NCAM1: variants seen among roughly 807,000 people sequenced by gnomAD.
NCAM1 encodes antigen recognized by monoclonal antibody 5.1H11.
In NCAM1, 14 loss-of-function variants were observed where a neutral mutation model predicts 109.8. The observed-to-expected ratio is 0.13, with a 90% CI of 0.08 to 0.20. NCAM1 has a LOEUF of 0.20. NCAM1 is among the 10% of genes least tolerant of loss of function. The pLI is 1.00. For synonymous variants in NCAM1, 418 were observed against 442.9 expected (o/e 0.94, Z 0.70); for missense variants, 774 against 1,109.9 (o/e 0.70, Z 4.30).
Position 113,204,471 on chromosome 11 carries a change from G to A in NCAM1, c.313G>A (p.Glu105Lys), listed in dbSNP as rs549697282. The part of the protein sequence containing the change: ...KCVVTGEDGS[E>K]SEATVNVKIF... ...TGTGGTTACAGGCGAGGATGGCAGTGAGTCAGAGGCCACCGTCAACGTGAA... is the reference window on the plus strand; with the variant it reads ...TGTGGTTACAGGCGAGGATGGCAGTAAGTCAGAGGCCACCGTCAACGTGAA... The change falls in exon 3 of 20, where the codon GAG becomes AAG. Residue 105 changes from glutamate to lysine, a missense_variant. Coordinates refer to ENST00000316851, the MANE Select transcript of NCAM1 (RefSeq NM_181351.5). The A allele has an allele frequency of 6.2e-7, 1 of 1,614,010 alleles. No individual in the cohort carries two copies. The highest frequency in any genetic ancestry group is 2.2e-5 in the East Asian group (1 of 44,880).
At chr11:113,183,560 T>A (rs1565484520) in intron 1 of NCAM1, among the ~76,000 whole-genome samples, 1 of 152,190 alleles carries the variant, frequency 6.6e-6, no homozygotes, top group Admixed American at 6.5e-5. Flanking sequence ...TCACTCTAGG[T>A]AAATTATAGT....
intron 19 of NCAM1, among the ~76,000 whole-genome samples, chr11:113,272,177 A>C (rs143174542): frequency 6.6e-6 from 1 of 152,046 alleles, no homozygotes; most frequent in Non-Finnish European, 1.5e-5. Flanking sequence ...AGGTGGCAAA[A>C]TCTCACTGAA....
intron 1 of NCAM1, among the ~76,000 whole-genome samples, chr11:113,091,755 G>A (rs532197980): frequency 6.6e-6 from 1 of 152,294 alleles, no homozygotes; most frequent in East Asian, 1.9e-4. Flanking sequence ...CCACTTCATG[G>A]ATAGCTAAAC....
intron 1 of NCAM1, among the ~76,000 whole-genome samples, chr11:113,095,086 TGAAA>T (rs1469798901): frequency 6.6e-6 from 1 of 152,192 alleles, no homozygotes; most frequent in African/African-American, 2.4e-5. Context: ...CCTTGAGCAC[TGAAA>T]GAAACTAAAT....
At chr11:113,254,538 A>G (rs1945786883) in intron 15 of NCAM1, among the ~76,000 whole-genome samples, 1 of 152,204 alleles carries the variant, frequency 6.6e-6, no homozygotes, top group African/African-American at 2.4e-5. Flanking sequence ...GCTCTTCCTT[A>G]GCCTTCTCTC....
chr11:113,103,929 A>G (rs1940003213), intron 1 of NCAM1, among the ~76,000 whole-genome samples: 1 of 151,986 alleles, frequency 6.6e-6, no homozygotes, highest in Admixed American at 6.6e-5. Flanking sequence ...TTCTTCCAAT[A>G]ATTTAAATAT....
rs10630754 is a variant in NCAM1 at position 112,985,253 on chromosome 11, C to CTTT, written c.52+23600_52+23602dup. ...TGTCCTATTCCATTGGTCTATGTAT[C>CTTT]TTTTTTTTTTTTTGCCAGTACCATA... On this transcript the variant is annotated intron_variant, in intron 1 of 19. Coordinates refer to ENST00000316851, the MANE Select transcript of NCAM1 (RefSeq NM_181351.5). Among the ~76,000 whole-genome samples the CTTT allele has an allele frequency of 1.6e-3, 228 of 143,224 alleles. 3 individuals are homozygous for CTTT. Among genetic ancestry groups the CTTT allele is most frequent in the African/African-American group, 4.9e-3 (191 of 39,104 alleles). The allele number at this position is 143,224 out of a possible 152,430, so 94.0% of individuals were successfully genotyped here.
intron 1 of NCAM1, among the ~76,000 whole-genome samples, chr11:112,967,942 G>A (rs1402218131): frequency 3.3e-5 from 5 of 152,148 alleles, no homozygotes; most frequent in African/African-American, 4.8e-5. Flanking sequence ...TTGCTTTTGC[G>A]AAGGTTAGTT....
chr11:113,085,013 T>C (rs558033904), intron 1 of NCAM1, among the ~76,000 whole-genome samples: 2 of 152,314 alleles, frequency 1.3e-5, no homozygotes, highest in Admixed American at 6.5e-5. Context: ...TTGAACCAAA[T>C]AGGTATTCCT....
intron 8 of NCAM1, among the ~76,000 whole-genome samples, chr11:113,220,832 A>G (rs1407622520): frequency 6.6e-6 from 1 of 151,702 alleles, no homozygotes; most frequent in Non-Finnish European, 1.5e-5. Flanking sequence ...CATGGTCTCA[A>G]TCTCCTGACC....
chr11:112,982,537 G>A (rs1205497050), intron 1 of NCAM1, among the ~76,000 whole-genome samples: 2 of 151,870 alleles, frequency 1.3e-5, no homozygotes, highest in African/African-American at 2.4e-5. Flanking sequence ...TAGTCAGGGG[G>A]TAGGAGGAGC....
In NCAM1 at chr11:112,983,154, A is replaced by G. The variant is rs79337500; in HGVS notation, c.52+21490A>G. ...CTTTTTATATGGTGGTACTGCTTTC[A>G]ATTCTTATTCTCTTTTTAATTCACT... On this transcript the variant is annotated intron_variant, in intron 1 of 19. Transcript: ENST00000316851. 6.2e-3 allele frequency among the ~76,000 whole-genome samples: 945 copies of G among 152,084 alleles called. 9 individuals carry two copies. Among genetic ancestry groups the G allele is most frequent in the African/African-American group, 0.021 (885 of 41,532 alleles).
At chr11:113,168,358 C>T (rs1199957672) in intron 1 of NCAM1, among the ~76,000 whole-genome samples, 3 of 152,174 alleles carry the variant, frequency 2.0e-5, no homozygotes, top group Non-Finnish European at 2.9e-5. Context: ...GGAATTCCAG[C>T]TCACATCTGT....
chr11:113,000,299 G>A (rs1951711546), intron 1 of NCAM1, among the ~76,000 whole-genome samples: 1 of 152,112 alleles, frequency 6.6e-6, no homozygotes, highest in Non-Finnish European at 1.5e-5. Context: ...GCCAGGTGTG[G>A]AACAGAGAAT....
In NCAM1 at chr11:113,152,604, C is replaced by G. The variant is rs117502277; in HGVS notation, c.53-49775C>G. Among the ~76,000 whole-genome samples the G allele has an allele frequency of 7.0e-4, 106 of 152,336 alleles. 3 individuals are homozygous for G. In the East Asian group the frequency reaches 0.019, roughly 27 times the overall value. On this transcript the variant is annotated intron_variant, in intron 1 of 19. Coordinates refer to ENST00000316851, the MANE Select transcript of NCAM1 (RefSeq NM_181351.5). ...GGTTGATTTTACTTTTATTCATGCTCTTTATGAAATTGGCTCAGATATAGG... is the reference window on the plus strand; with the variant it reads ...GGTTGATTTTACTTTTATTCATGCTGTTTATGAAATTGGCTCAGATATAGG...
chr11:113,144,821 T>A (rs1555101060), intron 1 of NCAM1, among the ~76,000 whole-genome samples: 1 of 152,204 alleles, frequency 6.6e-6, no homozygotes, highest in African/African-American at 2.4e-5. Context: ...AAATCGTGTA[T>A]GTAAAGAGCC....
At chr11:113,152,338 G>C (rs979356047) in intron 1 of NCAM1, among the ~76,000 whole-genome samples, 9 of 152,188 alleles carry the variant, frequency 5.9e-5, no homozygotes, top group Admixed American at 5.2e-4. Context: ...TTCTGCTTTG[G>C]GCATTATGGT....
intron 1 of NCAM1, among the ~76,000 whole-genome samples, chr11:113,053,791 C>T (rs575834489): frequency 2.0e-4 from 31 of 152,306 alleles, no homozygotes; most frequent in South Asian, 1.2e-3. Context: ...CCGCATACCA[C>T]GATCTTAGCT....
chr11:113,154,706 T>C lies in NCAM1; in HGVS notation c.53-47673T>C, dbSNP rs550147058. Among the ~76,000 whole-genome samples the C allele has an allele frequency of 8.5e-5, 13 of 152,308 alleles. No individual in the cohort carries two copies. The South Asian group carries it at 2.7e-3, about 32-fold the overall frequency. On this transcript the variant is annotated intron_variant, in intron 1 of 19. Transcript: ENST00000316851. ...ACTGAAGGAGGAAAGCTGAAGTTCA[T>C]ACCTGGTCACCTTACTTTCTTGATA...
Sources: allele counts gnomAD v4.1 joint callset (sites outside exome capture counted in the v4.1 genomes callset), GRCh38; gene constraint gnomAD v4.1.1; transcripts MANE v1.5; gene names NCBI Gene and HGNC (gene_info 2026-07-23, HGNC 2026-07-21).